ILDR2: variants seen among roughly 807,000 people sequenced by gnomAD.
The protein encoded by ILDR2 is immunoglobulin-like domain-containing receptor 2.
In ILDR2, 25 loss-of-function variants were observed where a neutral mutation model predicts 66.8. The observed-to-expected ratio is 0.37, with a 90% confidence interval of 0.27 to 0.52. The LOEUF is 0.52. ILDR2 is among the 20% of genes least tolerant of loss of function. ILDR2 has a pLI of 0.88. For synonymous variants in ILDR2, 367 were observed against 357.2 expected (o/e 1.03, Z -0.31); for missense variants, 827 against 876.8 (o/e 0.94, Z 0.72).
chr1:166,943,978 T>A lies in ILDR2; in HGVS notation c.500-4408A>T, dbSNP rs561845893. 1.3e-5 allele frequency: 5 copies of A among 377,590 alleles called. No individual in the cohort carries two copies. In the South Asian group the frequency reaches 5.5e-4, roughly 41 times the overall value. The allele number at this position is 377,590 out of a possible 1,614,324, so 23.4% of individuals were successfully genotyped here. A position where few individuals can be genotyped will look rare whatever the true frequency, so the allele number is the denominator to read the frequency against. On this transcript the variant is annotated intron_variant, in intron 3 of 9. Transcript: ENST00000271417. Reference sequence around the variant, plus strand: ...ACAGTTTTCCCCAAATCTTGCAGAATCCATTACTTTTAAGAAATTTCCACA... The same window carrying A: ...ACAGTTTTCCCCAAATCTTGCAGAAACCATTACTTTTAAGAAATTTCCACA...
At chr1:166,927,854 A>T (rs529216214) in intron 6 of ILDR2, among the ~76,000 whole-genome samples, 65 of 152,306 alleles carry the variant, frequency 4.3e-4, no homozygotes, top group African/African-American at 1.5e-3. Flanking sequence ...GACATGATTA[A>T]TTTGACCTGC....
chr1:166,922,553 C>CCCCCTCACACCGACCAGACCTG (rs1188241106), intron 8 of ILDR2, 40 bp downstream of exon 8: 30 of 1,550,332 alleles, frequency 1.9e-5, no homozygotes, highest in Non-Finnish European at 2.7e-5. Flanking sequence ...CCAGCTCCTG[C>CCCCCTCACACCGACCAGACCTG]CCCCTCACAC....
At chr1:166,927,292 T>C (rs2101875934) in intron 6 of ILDR2, 112 bp from the exon 7 acceptor site, 2 of 682,580 alleles carry the variant, frequency 2.9e-6, no homozygotes, top group Admixed American at 2.6e-5. Flanking sequence ...ACAACTCTTT[T>C]TGAAATCACC....
chr1:166,928,703 A>G (rs1290769338), intron 6 of ILDR2, among the ~76,000 whole-genome samples: 7 of 152,236 alleles, frequency 4.6e-5, no homozygotes. Context: ...AAAATTCCAT[A>G]GCACTCTAAT....
chr1:166,973,468 T>C (rs977612240), intron 1 of ILDR2, among the ~76,000 whole-genome samples: 6 of 152,114 alleles, frequency 3.9e-5, no homozygotes, highest in Non-Finnish European at 8.8e-5. Context: ...TCCAGTGATA[T>C]GATTCCATTT....
chr1:166,968,527 A>G (rs1346753209), intron 1 of ILDR2, among the ~76,000 whole-genome samples: 1 of 152,178 alleles, frequency 6.6e-6, no homozygotes, highest in Non-Finnish European at 1.5e-5. Flanking sequence ...CATGTGTTGA[A>G]TAATTTAACC....
intron 3 of ILDR2, among the ~76,000 whole-genome samples, chr1:166,956,041 G>A (rs904488904): frequency 6.6e-6 from 1 of 152,090 alleles, no homozygotes; most frequent in African/African-American, 2.4e-5. Flanking sequence ...TTCATACAGA[G>A]GTCAGCTCCC....
At chr1:166,940,282 A>G (rs1167279768) in intron 3 of ILDR2, among the ~76,000 whole-genome samples, 2 of 152,218 alleles carry the variant, frequency 1.3e-5, no homozygotes, top group Non-Finnish European at 1.5e-5. Flanking sequence ...GACTCTGGGA[A>G]GCAAAGAGCT....
chr1:166,974,562 A>G (rs1205753616), intron 1 of ILDR2, among the ~76,000 whole-genome samples: 2 of 152,136 alleles, frequency 1.3e-5, no homozygotes, highest in African/African-American at 2.4e-5. Context: ...CGGAGAGTGC[A>G]CCTATTAGAA....
At chr1:166,934,091 C>G (rs1452066436) in intron 6 of ILDR2, among the ~76,000 whole-genome samples, 1 of 152,160 alleles carries the variant, frequency 6.6e-6, no homozygotes, top group Non-Finnish European at 1.5e-5. Flanking sequence ...CCTTCTAAAT[C>G]TATAGCACAT....
chr1:166,938,534 G>A (rs1414946085), intron 4 of ILDR2, among the ~76,000 whole-genome samples: 1 of 152,194 alleles, frequency 6.6e-6, no homozygotes, highest in Non-Finnish European at 1.5e-5. Context: ...ATACATTTGT[G>A]TCCTTGGGAG....
At chr1:166,923,629 C>G (rs1013003005) in intron 7 of ILDR2, among the ~76,000 whole-genome samples, 1 of 152,222 alleles carries the variant, frequency 6.6e-6, no homozygotes, top group African/African-American at 2.4e-5. Context: ...TACTTATACT[C>G]TGGCCCCAGC....
chr1:166,901,583 T>A (rs1659264368), intron 2 of ILDR2, among the ~76,000 whole-genome samples: 1 of 152,208 alleles, frequency 6.6e-6, no homozygotes, highest in Admixed American at 6.5e-5. Context: ...TTGTTTTTTT[T>A]ATATTCAAGG....
chr1:166,936,599 G>A lies in ILDR2; in HGVS notation c.695C>T (p.Pro232Leu). 2 of 1,614,128 alleles carry A rather than the reference G, an allele frequency of 1.2e-6. No homozygotes were observed. Among genetic ancestry groups the A allele is most frequent in the African/African-American group, 1.3e-5 (1 of 75,016 alleles). ...GCGGTCACTGTACTCACAGGCTTGA[G>A]GGCAGCAGCAGGAATCTGGGCAGCA... ...CPCCPDSCCC[P>L]QALYEAGKAA... is the part of the protein sequence containing the mutation. The change falls in exon 5 of 10, where the codon CCT (proline) becomes CTT (leucine). Residue 232 changes from proline (P) to leucine (L), a missense_variant. Physicochemically the swap from Pro to Leu is moderately conservative, Grantham distance 98 (BLOSUM62 -3). Transcript: ENST00000271417. The surrounding 1 kb of genome is among the most constrained non-coding windows in gnomAD (Gnocchi z 5.0).
intron 1 of ILDR2, among the ~76,000 whole-genome samples, chr1:166,962,165 C>T (rs1480385412): frequency 6.6e-6 from 1 of 152,204 alleles, no homozygotes; most frequent in Non-Finnish European, 1.5e-5. Flanking sequence ...AGTCCCCAAA[C>T]TGCCCTGACC....
intron 1 of ILDR2, among the ~76,000 whole-genome samples, chr1:166,966,994 A>C (rs1031280946): frequency 6.6e-6 from 1 of 152,252 alleles, no homozygotes; most frequent in Non-Finnish European, 1.5e-5. Flanking sequence ...AAACTCATCC[A>C]TCTGTAGATG....
intron 4 of ILDR2, among the ~76,000 whole-genome samples, chr1:166,937,022 T>C (rs1661024998): frequency 6.6e-6 from 1 of 152,098 alleles, no homozygotes; most frequent in Non-Finnish European, 1.5e-5. Flanking sequence ...AGTCCTATAC[T>C]GGGGAAAGGA....
intron 3 of ILDR2, among the ~76,000 whole-genome samples, chr1:166,945,828 C>A (rs2101937888): frequency 6.6e-6 from 1 of 152,278 alleles, no homozygotes; most frequent in East Asian, 1.9e-4. Context: ...AGTTGGAGTC[C>A]TTCTAGGGTT....
At chr1:166,974,743 C>T (rs1663492820) in intron 1 of ILDR2, among the ~76,000 whole-genome samples, 1 of 152,110 alleles carries the variant, frequency 6.6e-6, no homozygotes, top group Non-Finnish European at 1.5e-5. Context: ...CCTGGGTCCC[C>T]CTCCTTCTCT....
Sources: allele counts gnomAD v4.1 joint callset (sites outside exome capture counted in the v4.1 genomes callset), GRCh38; gene constraint gnomAD v4.1.1; non-coding constraint Gnocchi (gnomAD v3.1); transcripts MANE v1.5; gene names NCBI Gene and HGNC (gene_info 2026-07-23, HGNC 2026-07-21).